SLC5A6: variants seen among roughly 807,000 people sequenced by gnomAD.
SLC5A6 encodes the protein solute carrier family 5 member 6.
A neutral mutation model predicts 67.9 loss-of-function variants in SLC5A6; 31 were observed. The observed-to-expected ratio is 0.46, with a 90% CI of 0.34 to 0.62. The LOEUF (loss-of-function observed/expected upper bound fraction) is 0.62. Among genes scored for constraint, SLC5A6 ranks in the 20% least tolerant of loss-of-function variants. SLC5A6 has a pLI of 0.01. For missense variants in SLC5A6, 673 were observed against 812.8 expected, an observed-to-expected ratio of 0.83 and a Z score of 2.09; for synonymous variants, 343 against 331.0, an observed-to-expected ratio of 1.04 and a Z score of -0.39.
At position 27,201,692 on chromosome 2, in the gene SLC5A6, T is replaced by A. The variant is rs1315686624; in HGVS notation, c.1518A>T (p.Thr506=). 6.2e-7 allele frequency: 1 copy of A among 1,614,132 alleles called. No individual in the cohort carries two copies. Among genetic ancestry groups the A allele is most frequent in the African/African-American group, 1.3e-5 (1 of 75,052 alleles). ...PTNLTVATVT[T]LMPLTTFSKP... is the part of the protein sequence containing the mutation. ...TGGAGAAGGTAGTCAAGGGCATCAG[T>A]GTGGTCACAGTGGCAACGGTTAGAT... Residue 506 remains threonine (T), a synonymous_variant, in exon 14 of 17, where the codon ACA becomes ACT. Coordinates refer to ENST00000310574, the MANE Select transcript of SLC5A6 (RefSeq NM_021095.4).
chr2:27,206,405 C>T (rs550369637), intron 5 of SLC5A6, 78 bp downstream of exon 5: 131 of 1,344,174 alleles, frequency 9.7e-5, no homozygotes, highest in Middle Eastern at 1.8e-4. Context: ...TTTCCACATA[C>T]GCTCCTCCAT....
intron 12 of SLC5A6, 54 bp from the exon 13 acceptor site, chr2:27,202,128 C>G: frequency 7.9e-7 from 1 of 1,264,922 alleles, no homozygotes; most frequent in Non-Finnish European, 1.2e-6. Context: ...CAGAGATGCC[C>G]AGACTCACCA....
rs771714496 is a variant in SLC5A6, at chr2:27,201,387, T to C, written c.1611A>G (p.Thr537=). The change falls in exon 15 of 17, where the codon ACA becomes ACG. Residue 537 remains threonine (T), a synonymous_variant. Transcript: ENST00000310574. ...TGACAATCAGGCCCACCACAATCAC[T>C]GTGGTGGAGTTGTGAGCACTGTACC... ...YLWYSAHNST[T]VIVVGLIVSL... 1 of 1,613,322 alleles carries C rather than the reference T, an allele frequency of 6.2e-7. No individual in the cohort carries two copies. Among genetic ancestry groups the C allele is most frequent in the Non-Finnish European group, 8.5e-7 (1 of 1,179,348 alleles).
At chr2:27,203,524 T>C (rs983087562) in intron 10 of SLC5A6, among the ~76,000 whole-genome samples, 179 bp from the exon 11 acceptor site, 1 of 152,060 alleles carries the variant, frequency 6.6e-6, no homozygotes, top group South Asian at 2.1e-4. Flanking sequence ...CAGTCCTTTT[T>C]TGAATGTGGA....
chr2:27,212,303 G>T (rs1304237700), upstream of SLC5A6: 2 of 1,550,448 alleles, frequency 1.3e-6, no homozygotes, highest in African/African-American at 2.7e-5. Flanking sequence ...AAGAGGGCCT[G>T]ACGCGCTGCG....
At chr2:27,202,503 C>CAAAAAAAAAAA (rs10638396) in intron 12 of SLC5A6, among the ~76,000 whole-genome samples, 5 of 72,278 alleles carry the variant, frequency 6.9e-5, no homozygotes, top group Non-Finnish European at 1.2e-4. Context: ...GACTCTGTCT[C>CAAAAAAAAAAA]AAAAAAAAAA....
chr2:27,210,440 T>C (rs966723968), intron 2 of SLC5A6, among the ~76,000 whole-genome samples: 3 of 143,678 alleles, frequency 2.1e-5, no homozygotes, highest in African/African-American at 5.0e-5. Context: ...CCCCCCCCCT[T>C]TTTTTTTGGA....
intron 2 of SLC5A6, among the ~76,000 whole-genome samples, chr2:27,210,453 C>CG (rs1674392394): frequency 6.9e-6 from 1 of 144,416 alleles, no homozygotes; most frequent in Non-Finnish European, 1.5e-5. Flanking sequence ...TTTTTGGAGA[C>CG]GGAGTCTCGC....
upstream of SLC5A6, chr2:27,212,456 G>C: frequency 6.4e-7 from 1 of 1,563,708 alleles, no homozygotes; most frequent in Non-Finnish European, 8.7e-7. Flanking sequence ...AAGGGCTCTG[G>C]CGCTACCCGA....
intron 11 of SLC5A6, 36 bp from the exon 12 acceptor site, chr2:27,202,916 G>A (rs1177386145): frequency 1.9e-6 from 3 of 1,610,530 alleles, no homozygotes; most frequent in Non-Finnish European, 2.5e-6. Context: ...ACAAGAAGGT[G>A]TGAGTTAACA....
chr2:27,210,936 A>T (rs1331775313), intron 2 of SLC5A6, among the ~76,000 whole-genome samples: 1 of 152,172 alleles, frequency 6.6e-6, no homozygotes, highest in Non-Finnish European at 1.5e-5. Context: ...AGGCAGGAGA[A>T]TGGCGTGAAC....
In SLC5A6 at chr2:27,206,036, T is replaced by C. The variant is rs759395779; in HGVS notation, c.569A>G (p.Tyr190Cys). The C allele has an allele frequency of 4.3e-6, 7 of 1,613,700 alleles. No homozygotes were observed. Among genetic ancestry groups the C allele is most frequent in the African/African-American group, 2.7e-5 (2 of 74,912 alleles). The change falls in exon 6 of 17, where the codon TAT becomes TGT. Residue 190 changes from tyrosine (Y) to cysteine (C), a missense_variant. Transcript: ENST00000310574. Reference sequence around the variant, plus strand: ...GCTTACTGCACTTACCAGAGCTGTATAGACGGTACAGACAATGCCCAGGGC... The same window carrying C: ...GCTTACTGCACTTACCAGAGCTGTACAGACGGTACAGACAATGCCCAGGGC... Reference protein sequence around the residue: ...VLALGIVCTVYTALGGLKAVI... With the variant: ...VLALGIVCTVCTALGGLKAVI...
rs763654264 is a variant in SLC5A6, at chr2:27,202,079, G to T, written c.1276-5C>A. 6.2e-7 allele frequency: 1 copy of T among 1,609,752 alleles called. No homozygotes were observed. On this transcript the variant is annotated splice_polypyrimidine_tract_variant and splice_region_variant and intron_variant, in intron 12 of 16. Transcript: ENST00000310574. Reference sequence around the variant, plus strand: ...GCCAAAGATGCTGATTGCTGCCTAGGAGGACAGGGTGAGAAGAAAAGGAAA... The same window carrying T: ...GCCAAAGATGCTGATTGCTGCCTAGTAGGACAGGGTGAGAAGAAAAGGAAA...
Position 27,201,047 on chromosome 2 carries a change from A to G in SLC5A6, c.1715T>C (p.Leu572Pro), listed in dbSNP as rs1673591562. 6.2e-7 allele frequency: 1 copy of G among 1,613,774 alleles called. No homozygotes were observed. Among genetic ancestry groups the G allele is most frequent in the Non-Finnish European group, 8.5e-7 (1 of 1,179,920 alleles). The change falls in exon 16 of 17, where the codon CTC (leucine) becomes CCC (proline). Residue 572 changes from leucine (L) to proline (P), a missense_variant. Leu to Pro is a moderately conservative substitution (Grantham distance 98, BLOSUM62 -3). Coordinates refer to ENST00000310574, the MANE Select transcript of SLC5A6 (RefSeq NM_021095.4). The part of the protein sequence containing the change: ...IYPVLPKLLS[L>P]LPLSCQKRLH... ...CCGCTTCTGACAGGACAACGGAAGG[A>G]GGGACAGGAGCTTTGGCAACACTGG...
intron 12 of SLC5A6, 96 bp from the exon 13 acceptor site, chr2:27,202,170 C>G: frequency 1.2e-6 from 1 of 856,106 alleles, no homozygotes; most frequent in Non-Finnish European, 2.0e-6. Flanking sequence ...GACCTTGGAG[C>G]CCCACTTGTC....
chr2:27,201,765 C>A lies in SLC5A6; in HGVS notation c.1445G>T (p.Ser482Ile). Residue 482 changes from serine to isoleucine, a missense_variant, in exon 14 of 17, where the codon AGC (serine) becomes ATC (isoleucine). Physicochemically the swap from Ser to Ile is moderately radical, Grantham distance 142. Transcript: ENST00000310574. Reference sequence around the variant, plus strand: ...CCCATTAGAGGGAGAGGGTGGCATGCTGGAGCCCATGCTGGTCACGATGCT... The same window carrying A: ...CCCATTAGAGGGAGAGGGTGGCATGATGGAGCCCATGCTGGTCACGATGCT... Reference protein sequence around the residue: ...IGSIVTSMGSSMPPSPSNGSS... With the variant: ...IGSIVTSMGSIMPPSPSNGSS... 6.2e-7 allele frequency: 1 copy of A among 1,614,140 alleles called. No individual in the cohort carries two copies. Among genetic ancestry groups the A allele is most frequent in the Non-Finnish European group, 8.5e-7 (1 of 1,179,984 alleles).
At chr2:27,212,595 C>G, upstream of SLC5A6, 1 of 1,446,256 alleles carries the variant, frequency 6.9e-7, no homozygotes, top group South Asian at 1.4e-5. Flanking sequence ...GCTTCCCGAC[C>G]CTGCCCAGCC....
intron 1 of SLC5A6, 104 bp downstream of exon 1, chr2:27,211,916 C>A (rs1243887861): frequency 7.6e-6 from 3 of 396,928 alleles, no homozygotes; most frequent in South Asian, 7.2e-5. Context: ...GGTCTCCACA[C>A]GTGGGTAGCC....
chr2:27,204,832 C>T lies in SLC5A6; in HGVS notation c.834G>A (p.Val278=). Residue 278 remains valine, a synonymous_variant, in exon 8 of 17, where the codon GTG becomes GTA. Transcript: ENST00000310574. The stretch of plus-strand genomic sequence containing the variant: ...CCGTGCGGGAACTGAGGTACCGCTG[C>T]ACCTGAGCCTGGTTCACCCCGTATA... ...LSLYGVNQAQ[V]QRYLSSRTEK... 1 of 1,614,144 alleles carries T rather than the reference C, an allele frequency of 6.2e-7. No homozygotes were observed. Among genetic ancestry groups the T allele is most frequent in the Non-Finnish European group, 8.5e-7 (1 of 1,180,012 alleles).
Sources: gnomAD v4.1 joint callset for allele counts (sites outside exome capture counted in the v4.1 genomes callset) on GRCh38, gnomAD v4.1.1 for gene constraint, MANE v1.5 for transcripts, NCBI Gene and HGNC (gene_info 2026-07-23, HGNC 2026-07-21) for gene names.